CAPZB: variants seen among roughly 807,000 people sequenced by gnomAD.
The protein encoded by CAPZB is capping actin protein of muscle Z-line subunit beta.
Under a neutral mutation model 38.1 loss-of-function variants are expected in CAPZB, and 2 were observed. That is an observed-to-expected ratio of 0.05 (90% CI 0.02 to 0.17). The LOEUF (loss-of-function observed/expected upper bound fraction) is 0.17, where lower values mean the gene tolerates loss of function less well. CAPZB is among the 10% of genes least tolerant of loss of function. The pLI, the probability that CAPZB is intolerant of heterozygous loss-of-function variation, is 1.00. For missense variants in CAPZB, 161 were observed against 334.2 expected, an observed-to-expected ratio of 0.48 and a Z score of 4.04; for synonymous variants, 107 against 127.4, an observed-to-expected ratio of 0.84 and a Z score of 1.08.
chr1:19,342,520 G>A (rs556971420), intron 8 of CAPZB, among the ~76,000 whole-genome samples: 17 of 152,304 alleles, frequency 1.1e-4, no homozygotes, highest in African/African-American at 3.4e-4. Flanking sequence ...AAAATCAGCC[G>A]TCTTCCCCAC....
At chr1:19,389,402 A>G (rs1364477854) in intron 2 of CAPZB, among the ~76,000 whole-genome samples, 1 of 150,812 alleles carries the variant, frequency 6.6e-6, no homozygotes, top group Non-Finnish European at 1.5e-5. Context: ...TAGTATGACT[A>G]CTTCCTAAAG....
intron 4 of CAPZB, among the ~76,000 whole-genome samples, chr1:19,359,034 G>A (rs954333185): frequency 1.3e-5 from 2 of 152,118 alleles, no homozygotes; most frequent in Non-Finnish European, 2.9e-5. Context: ...TACTTTCTAC[G>A]GCTGTTGAGA....
At chr1:19,455,506 T>C (rs910754535) in intron 1 of CAPZB, among the ~76,000 whole-genome samples, 1 of 152,180 alleles carries the variant, frequency 6.6e-6, no homozygotes, top group African/African-American at 2.4e-5. Flanking sequence ...TCAACACACA[T>C]GGTCTGTCCT....
intron 3 of CAPZB, among the ~76,000 whole-genome samples, chr1:19,381,123 C>G (rs376748592): frequency 6.6e-6 from 1 of 151,912 alleles, no homozygotes; most frequent in Non-Finnish European, 1.5e-5. Context: ...GAGCTGAGAT[C>G]GCGCCACTGC....
At chr1:19,472,834 C>T (rs2094594268) in intron 1 of CAPZB, among the ~76,000 whole-genome samples, 1 of 149,416 alleles carries the variant, frequency 6.7e-6, no homozygotes, top group African/African-American at 2.5e-5. Flanking sequence ...TCTCCTGCCT[C>T]AGCCTCCTGA....
At position 19,357,380 on chromosome 1, in the gene CAPZB, T is replaced by G. The variant is rs1210204867; in HGVS notation, c.471+42A>C. ...GCGCGGCACTGGTTGGTGTGCCATC[T>G]GTACTTAGTGGCCCGGGCCACCAGC... On this transcript the variant is annotated intron_variant, in intron 5 of 8. Transcript: ENST00000264202. The surrounding 1 kb of genome is among the most constrained non-coding windows in gnomAD (Gnocchi z 4.3). The G allele has an allele frequency of 6.2e-7, 1 of 1,603,238 alleles. No homozygotes were observed. The highest frequency in any genetic ancestry group is 8.5e-7 in the Non-Finnish European group (1 of 1,171,918).
intron 1 of CAPZB, among the ~76,000 whole-genome samples, chr1:19,425,118 A>G (rs2094417606): frequency 1.3e-5 from 2 of 152,240 alleles, no homozygotes; most frequent in Non-Finnish European, 2.9e-5. Context: ...CAAAATAAAC[A>G]GAAGGCCAGT....
intron 1 of CAPZB, among the ~76,000 whole-genome samples, chr1:19,441,774 G>A (rs1313842077): frequency 2.0e-5 from 3 of 151,910 alleles, no homozygotes; most frequent in Non-Finnish European, 4.4e-5. Context: ...TTGGGAGGCC[G>A]AGGCGGGCAG....
chr1:19,460,741 C>A (rs962202711), intron 1 of CAPZB, among the ~76,000 whole-genome samples: 10 of 152,060 alleles, frequency 6.6e-5, no homozygotes, highest in African/African-American at 2.4e-4. Flanking sequence ...TTTCAGGCAT[C>A]CACTCGGGGT....
chr1:19,399,554 G>A (rs1431176796), intron 2 of CAPZB, among the ~76,000 whole-genome samples: 1 of 152,182 alleles, frequency 6.6e-6, no homozygotes, highest in Non-Finnish European at 1.5e-5. Context: ...AGCTGGTTCT[G>A]CCATGAAACG....
At chr1:19,342,054 G>A (rs1454434357) in intron 8 of CAPZB, among the ~76,000 whole-genome samples, 1 of 152,228 alleles carries the variant, frequency 6.6e-6, no homozygotes, top group Non-Finnish European at 1.5e-5. Context: ...TCAAGTCATG[G>A]TTCTTGGCCA....
intron 2 of CAPZB, among the ~76,000 whole-genome samples, chr1:19,399,316 C>T (rs1319953288): frequency 6.6e-6 from 1 of 152,202 alleles, no homozygotes; most frequent in Non-Finnish European, 1.5e-5. Flanking sequence ...TCCAAGACAT[C>T]ACAGGTAGAC....
intron 4 of CAPZB, among the ~76,000 whole-genome samples, chr1:19,363,461 T>C (rs2094065515): frequency 6.6e-6 from 1 of 152,084 alleles, no homozygotes; most frequent in African/African-American, 2.4e-5. Flanking sequence ...CGTTTCTCCC[T>C]GAAAATCACT....
chr1:19,358,970 A>G (rs891902274), intron 4 of CAPZB, among the ~76,000 whole-genome samples: 1 of 152,240 alleles, frequency 6.6e-6, no homozygotes, highest in African/African-American at 2.4e-5. Flanking sequence ...CATGCGTCCA[A>G]CAACTATTTA....
intron 1 of CAPZB, chr1:19,448,890 C>T: frequency 6.2e-7 from 1 of 1,612,924 alleles, no homozygotes; most frequent in Non-Finnish European, 8.5e-7. Flanking sequence ...CGAGAGAACC[C>T]TGTATCCTGG....
At chr1:19,352,049 G>GC (rs947731125) in intron 6 of CAPZB, among the ~76,000 whole-genome samples, 6 of 152,218 alleles carry the variant, frequency 3.9e-5, no homozygotes, top group Non-Finnish European at 7.3e-5. Context: ...GACACGAGGA[G>GC]CGGGTGTGCA....
At chr1:19,385,679 C>G (rs373710207) in intron 2 of CAPZB, 53 bp from the exon 3 acceptor site, 19 of 1,612,690 alleles carry the variant, frequency 1.2e-5, no homozygotes, top group South Asian at 5.5e-5. Flanking sequence ...GCACACCAAA[C>G]TCAGGTGGCT....
chr1:19,428,789 A>G (rs981162493), intron 1 of CAPZB, among the ~76,000 whole-genome samples: 1 of 152,108 alleles, frequency 6.6e-6, no homozygotes, highest in Non-Finnish European at 1.5e-5. Context: ...GGACTGTGTA[A>G]GTGACTGGCA....
intron 2 of CAPZB, among the ~76,000 whole-genome samples, chr1:19,390,938 G>C (rs1315068514): frequency 1.3e-5 from 2 of 152,184 alleles, no homozygotes; most frequent in Non-Finnish European, 2.9e-5. Flanking sequence ...TTGTTTTAAA[G>C]AAGGGGAAAC....
Sources: gnomAD v4.1 joint callset for allele counts (sites outside exome capture counted in the v4.1 genomes callset) on GRCh38, gnomAD v4.1.1 for gene constraint, Gnocchi (gnomAD v3.1) non-coding constraint, MANE v1.5 for transcripts, NCBI Gene and HGNC (gene_info 2026-07-23, HGNC 2026-07-21) for gene names.